ARHGAP20: variants seen among roughly 807,000 people sequenced by gnomAD.
ARHGAP20 encodes Rho GTPase activating protein 20, also known as rho GTPase-activating protein 20.
In ARHGAP20, 34 loss-of-function variants were observed where a neutral mutation model predicts 73.7. The ratio of observed to expected loss-of-function variants is 0.46; its 90% CI spans 0.35 to 0.61. ARHGAP20 has a LOEUF of 0.61. Among genes scored for constraint, ARHGAP20 ranks in the 20% least tolerant of loss-of-function variants. The pLI, the probability that ARHGAP20 is intolerant of heterozygous loss-of-function variation, is 0.00. For synonymous variants in ARHGAP20, 523 were observed against 518.2 expected, an observed-to-expected ratio of 1.01 and a Z score of -0.13; for missense variants, 1,314 against 1,420.9, an observed-to-expected ratio of 0.92 and a Z score of 1.21.
intron 2 of ARHGAP20, among the ~76,000 whole-genome samples, chr11:110,638,571 T>C (rs1949015687): frequency 6.6e-6 from 1 of 151,778 alleles, no homozygotes; most frequent in Admixed American, 6.6e-5. Flanking sequence ...TTAAAATTAA[T>C]ACATTGATTT....
intron 1 of ARHGAP20, among the ~76,000 whole-genome samples, chr11:110,704,089 A>C (rs748130562): frequency 6.6e-6 from 1 of 152,194 alleles, no homozygotes; most frequent in Non-Finnish European, 1.5e-5. Context: ...TTCTAAAACC[A>C]TAATGGTAAA....
chr11:110,624,549 G>A (rs550575675), intron 3 of ARHGAP20, among the ~76,000 whole-genome samples: 174 of 152,020 alleles, frequency 1.1e-3, no homozygotes, highest in African/African-American at 3.9e-3. Flanking sequence ...CTTAGAGGAC[G>A]GGTCAATAGG....
intron 8 of ARHGAP20, among the ~76,000 whole-genome samples, chr11:110,608,507 T>G (rs1280528675): frequency 6.6e-6 from 1 of 152,158 alleles, no homozygotes; most frequent in African/African-American, 2.4e-5. Flanking sequence ...CTGATTTTCT[T>G]CATGATTCTT....
At chr11:110,704,227 G>C (rs538456217) in intron 1 of ARHGAP20, among the ~76,000 whole-genome samples, 1 of 152,278 alleles carries the variant, frequency 6.6e-6, no homozygotes, top group East Asian at 1.9e-4. Context: ...GGATAGGAGA[G>C]GAAATAAAAA....
chr11:110,601,981 C>CAA (rs34786190), intron 9 of ARHGAP20, among the ~76,000 whole-genome samples: 70 of 131,028 alleles, frequency 5.3e-4, no homozygotes, highest in Middle Eastern at 4.0e-3. Context: ...GACTTTTTCT[C>CAA]AAAAAAAAAA....
At chr11:110,649,044 T>A (rs1208303237) in intron 2 of ARHGAP20, among the ~76,000 whole-genome samples, 1 of 152,086 alleles carries the variant, frequency 6.6e-6, no homozygotes, top group Non-Finnish European at 1.5e-5. Flanking sequence ...TTGACATGTA[T>A]GTTTTGAAGC....
At chr11:110,663,380 T>C (rs964638803) in intron 2 of ARHGAP20, among the ~76,000 whole-genome samples, 1 of 150,072 alleles carries the variant, frequency 6.7e-6, no homozygotes, top group Non-Finnish European at 1.5e-5. Flanking sequence ...AAGACATTAA[T>C]ACTATAATTA....
Position 110,664,611 on chromosome 11 carries a change from C to T in ARHGAP20, c.188+25936G>A, listed in dbSNP as rs957004219. On this transcript the variant is annotated intron_variant, in intron 2 of 14. Transcript: ENST00000683387. The stretch of plus-strand genomic sequence containing the variant: ...GGCGTTGTGGCGGGTGCCTGTAGTC[C>T]CAGCTACTTGGGAGGCTGAGGCAGG... 2.6e-5 allele frequency among the ~76,000 whole-genome samples: 4 copies of T among 151,136 alleles called. No homozygotes were observed. In the South Asian group the frequency reaches 8.4e-4, roughly 32 times the overall value.
intron 9 of ARHGAP20, among the ~76,000 whole-genome samples, chr11:110,598,877 G>C (rs1442820550): frequency 1.3e-5 from 2 of 152,152 alleles, no homozygotes; most frequent in Non-Finnish European, 2.9e-5. Flanking sequence ...CAGGACCTGG[G>C]AGCAGGTGGG....
chr11:110,689,468 G>A (rs1466143420), intron 2 of ARHGAP20, among the ~76,000 whole-genome samples: 2 of 151,818 alleles, frequency 1.3e-5, no homozygotes, highest in African/African-American at 4.8e-5. Flanking sequence ...ATTTGAATTT[G>A]AAAAAATTAG....
chr11:110,603,251 TAG>T (rs1948149874), intron 9 of ARHGAP20, among the ~76,000 whole-genome samples: 1 of 152,194 alleles, frequency 6.6e-6, no homozygotes, highest in Admixed American at 6.5e-5. Context: ...TCAGCACTGC[TAG>T]AGTTTCACAG....
intron 9 of ARHGAP20, among the ~76,000 whole-genome samples, chr11:110,593,062 G>T (rs1947867985): frequency 6.6e-6 from 1 of 152,102 alleles, no homozygotes; most frequent in Admixed American, 6.5e-5. Flanking sequence ...GGTGATCTTG[G>T]GGGTGTTTGC....
At chr11:110,590,872 T>A in intron 10 of ARHGAP20, 63 bp from the exon 11 acceptor site, 1 of 1,494,914 alleles carries the variant, frequency 6.7e-7, no homozygotes, top group South Asian at 1.3e-5. Flanking sequence ...GAATGTACAC[T>A]TGCCCTCTTT....
chr11:110,634,472 A>G (rs915612229), intron 2 of ARHGAP20, among the ~76,000 whole-genome samples: 1 of 152,122 alleles, frequency 6.6e-6, no homozygotes, highest in African/African-American at 2.4e-5. Context: ...GTATGGTTTC[A>G]TGTACTTTAA....
At chr11:110,706,099 G>A (rs986671500) in intron 1 of ARHGAP20, among the ~76,000 whole-genome samples, 24 of 152,096 alleles carry the variant, frequency 1.6e-4, no homozygotes, top group African/African-American at 5.1e-4. Context: ...GGGTAGAAAT[G>A]CCACTCTCCA....
chr11:110,610,659 T>G (rs139976540), intron 7 of ARHGAP20, among the ~76,000 whole-genome samples: 2 of 152,132 alleles, frequency 1.3e-5, no homozygotes, highest in Non-Finnish European at 2.9e-5. Context: ...TCTCCACTCC[T>G]AAAATTCTCA....
intron 2 of ARHGAP20, among the ~76,000 whole-genome samples, chr11:110,639,970 T>C (rs1228026388): frequency 1.3e-5 from 2 of 152,006 alleles, no homozygotes; most frequent in South Asian, 2.1e-4. Context: ...CTAGATCATA[T>C]GGTAATTCTA....
chr11:110,639,298 C>T (rs1949033081), intron 2 of ARHGAP20, among the ~76,000 whole-genome samples: 1 of 151,276 alleles, frequency 6.6e-6, no homozygotes, highest in African/African-American at 2.4e-5. Context: ...TAGCCACATT[C>T]CCTCTCTGTT....
chr11:110,674,709 G>A (rs972137611), intron 2 of ARHGAP20, among the ~76,000 whole-genome samples: 7 of 151,866 alleles, frequency 4.6e-5, no homozygotes, highest in African/African-American at 1.7e-4. Context: ...AAGCATTTTG[G>A]ACAAGGGATA....
Sources: allele counts gnomAD v4.1 joint callset (sites outside exome capture counted in the v4.1 genomes callset), GRCh38; gene constraint gnomAD v4.1.1; transcripts MANE v1.5; gene names NCBI Gene and HGNC (gene_info 2026-07-23, HGNC 2026-07-21).